RAD54L2: variants seen among roughly 807,000 people sequenced by gnomAD.
RAD54L2 encodes the protein RAD54 like 2.
Under a neutral mutation model 138.4 loss-of-function variants are expected in RAD54L2, and 27 were observed. The ratio of observed to expected loss-of-function variants is 0.20; its 90% CI spans 0.14 to 0.27. RAD54L2 has a LOEUF of 0.27. RAD54L2 is among the 10% of genes least tolerant of loss of function. The pLI is 1.00. For missense variants in RAD54L2, 1,396 were observed against 1,890.2 expected (o/e 0.74, Z 4.85); for synonymous variants, 644 against 723.2 (o/e 0.89, Z 1.76).
intron 2 of RAD54L2, among the ~76,000 whole-genome samples, chr3:51,572,186 C>T (rs1252769563): frequency 3.3e-5 from 5 of 152,080 alleles, no homozygotes; most frequent in Admixed American, 6.6e-5. Context: ...TGTTGGCTCA[C>T]GCCAATAATC....
chr3:51,590,556 G>A lies in RAD54L2; in HGVS notation c.136G>A (p.Asp46Asn). The part of the protein sequence containing the change: ...CDRDDEEDLL[D>N]DPSLEGMCGT... ...CAGGGATGATGAAGAAGACCTGCTG[G>A]ATGGTAAGTGGGCTCTATTGAGTGA... Residue 46 changes from aspartate to asparagine, a missense_variant, in exon 3 of 23, where the codon GAT becomes AAT. This residue lies in a region of RAD54L2 where 256 missense variants were observed against 344.6 expected (regional missense o/e 0.74). Coordinates refer to ENST00000684192, the MANE Select transcript of RAD54L2 (RefSeq NM_015106.4). 6.4e-7 allele frequency: 1 copy of A among 1,552,386 alleles called. No homozygotes were observed. Among genetic ancestry groups the A allele is most frequent in the Non-Finnish European group, 8.7e-7 (1 of 1,147,168 alleles).
At chr3:51,660,398 T>G (rs1232931878) in intron 22 of RAD54L2, among the ~76,000 whole-genome samples, 1 of 151,588 alleles carries the variant, frequency 6.6e-6, no homozygotes, top group African/African-American at 2.4e-5. Context: ...AAGCTCTGCC[T>G]CCTGGGTTCA....
chr3:51,658,269 A>G (rs1701660644), intron 21 of RAD54L2, among the ~76,000 whole-genome samples: 1 of 152,130 alleles, frequency 6.6e-6, no homozygotes, highest in Non-Finnish European at 1.5e-5. Context: ...GGATGGGACA[A>G]GTAGACACAA....
In RAD54L2 at chr3:51,663,235, A is replaced by C; in HGVS notation, c.4219A>C (p.Ser1407Arg). ...FAPFPSPVLP[S>R]NLSRGMSIYP... ...GCCTTTTCCTTCCCCTGTCTTGCCC[A>C]GCAACCTTTCGCGGGGCATGTCTAT... Residue 1407 changes from serine (S) to arginine (R), a missense_variant, in exon 23 of 23, where the codon AGC (serine) becomes CGC (arginine). Ser to Arg is a moderately radical substitution (Grantham distance 110, BLOSUM62 -1). Coordinates refer to ENST00000684192, the MANE Select transcript of RAD54L2 (RefSeq NM_015106.4). 6.2e-7 allele frequency: 1 copy of C among 1,613,918 alleles called. No homozygotes were observed. Among genetic ancestry groups the C allele is most frequent in the South Asian group, 1.1e-5 (1 of 91,080 alleles).
intron 9 of RAD54L2, 38 bp from the exon 10 acceptor site, chr3:51,635,555 A>G: frequency 6.4e-7 from 1 of 1,563,624 alleles, no homozygotes; most frequent in Non-Finnish European, 8.7e-7. Context: ...TTGAGATATA[A>G]TTCACATCTC....
chr3:51,636,208 T>C (rs763255790), intron 10 of RAD54L2, among the ~76,000 whole-genome samples: 1 of 152,270 alleles, frequency 6.6e-6, no homozygotes, highest in Admixed American at 6.5e-5. Context: ...TTTATCCCAG[T>C]TGTTTTTAGT....
rs544523047 is a variant in RAD54L2 at position 51,657,956 on chromosome 3, T to C, written c.3316+287T>C. Reference sequence around the variant, plus strand: ...TTTTTTTTTTTTTGAGATGGAGTCTTGCTCTGTCGCCAGGCTGGAGTGCAG... The same window carrying C: ...TTTTTTTTTTTTTGAGATGGAGTCTCGCTCTGTCGCCAGGCTGGAGTGCAG... On this transcript the variant is annotated intron_variant, in intron 21 of 22. Transcript: ENST00000684192. Among the ~76,000 whole-genome samples, 522 of 146,188 alleles carry C rather than the reference T, an allele frequency of 3.6e-3. 6 individuals carry two copies. The highest frequency in any genetic ancestry group is 0.013 in the African/African-American group (490 of 39,062).
intron 3 of RAD54L2, among the ~76,000 whole-genome samples, chr3:51,600,693 G>A (rs1006948526): frequency 2.6e-5 from 4 of 152,290 alleles, no homozygotes; most frequent in African/African-American, 9.6e-5. Context: ...GAGGCTGGGT[G>A]CGGTGGCTCA....
intron 7 of RAD54L2, among the ~76,000 whole-genome samples, chr3:51,632,248 C>G (rs1040730654): frequency 5.3e-5 from 8 of 152,154 alleles, no homozygotes; most frequent in African/African-American, 1.9e-4. Context: ...GGGTTGATTA[C>G]GTATTTTGGC....
chr3:51,609,053 G>T (rs750933216), intron 3 of RAD54L2, among the ~76,000 whole-genome samples: 3 of 152,082 alleles, frequency 2.0e-5, no homozygotes, highest in African/African-American at 7.2e-5. Flanking sequence ...ACCACACTCG[G>T]CTAATATTTG....
chr3:51,621,774 A>G (rs1700575670), intron 3 of RAD54L2, among the ~76,000 whole-genome samples: 2 of 152,256 alleles, frequency 1.3e-5, no homozygotes, highest in Non-Finnish European at 2.9e-5. Flanking sequence ...GGTCATTATC[A>G]GAATCAGGCC....
Position 51,645,808 on chromosome 3 carries a change from T to G in RAD54L2, c.2829+45T>G. The G allele has an allele frequency of 1.3e-6, 2 of 1,543,726 alleles. No individual in the cohort carries two copies. Among genetic ancestry groups the G allele is most frequent in the Non-Finnish European group, 1.7e-6 (2 of 1,143,882 alleles). On this transcript the variant is annotated intron_variant, in intron 18 of 22. Coordinates refer to ENST00000684192, the MANE Select transcript of RAD54L2 (RefSeq NM_015106.4). This position sits in a 1 kb window ranked among gnomAD's most constrained non-coding sequence, Gnocchi z 6.1. ...GCAATCCCCAGAGTGGCAGTCTCTC[T>G]GTCAAAGGAGGCTTGTCTTGTAAGC...
At chr3:51,621,530 G>A (rs1006091801) in intron 3 of RAD54L2, among the ~76,000 whole-genome samples, 3 of 152,090 alleles carry the variant, frequency 2.0e-5, no homozygotes, top group Non-Finnish European at 2.9e-5. Context: ...TTCTCCTCCC[G>A]GGAACAGCCC....
rs375101156 is a variant in RAD54L2 at position 51,639,653 on chromosome 3, A to T, written c.2095A>T (p.Ile699Phe). 6.2e-7 allele frequency: 1 copy of T among 1,613,656 alleles called. No homozygotes were observed. Among genetic ancestry groups the T allele is most frequent in the Non-Finnish European group, 8.5e-7 (1 of 1,179,818 alleles). Residue 699 changes from isoleucine (I) to phenylalanine (F), a missense_variant, in exon 13 of 23, where the codon ATT becomes TTT. Around this residue, in one of 7 missense-constraint regions of RAD54L2, gnomAD observed 211 missense variants for 273.8 expected, o/e 0.77. Coordinates refer to ENST00000684192, the MANE Select transcript of RAD54L2 (RefSeq NM_015106.4). ...FNPFQERGNNIVTYEWAKDLL... is the reference protein window; with the variant it reads ...FNPFQERGNNFVTYEWAKDLL... ...CCCTTTCCAGGAGCGAGGCAACAAC[A>T]TTGTCACATATGAATGGGTGAGTCA...
chr3:51,620,832 C>G (rs1700555420), intron 3 of RAD54L2, among the ~76,000 whole-genome samples: 1 of 152,124 alleles, frequency 6.6e-6, no homozygotes. Context: ...TATGCAGATA[C>G]TAATTTAATT....
chr3:51,606,554 C>T (rs1418933364), intron 3 of RAD54L2, among the ~76,000 whole-genome samples: 1 of 152,092 alleles, frequency 6.6e-6, no homozygotes, highest in Non-Finnish European at 1.5e-5. Flanking sequence ...TTTAGCAACT[C>T]CTCTTTTCAT....
chr3:51,561,534 C>T (rs568992620), intron 2 of RAD54L2, among the ~76,000 whole-genome samples: 6 of 152,090 alleles, frequency 3.9e-5, no homozygotes, highest in Admixed American at 1.3e-4. Flanking sequence ...CGTGAGCCAC[C>T]ACGCCCGGCC....
At chr3:51,633,421 TC>T (rs1239431473) in intron 7 of RAD54L2, among the ~76,000 whole-genome samples, 155 bp from the exon 8 acceptor site, 2 of 152,114 alleles carry the variant, frequency 1.3e-5, no homozygotes, top group Non-Finnish European at 2.9e-5. Context: ...AGCAAATAGA[TC>T]AGTCAAGGTA....
At chr3:51,539,719 A>G (rs1698504379) in intron 1 of RAD54L2, among the ~76,000 whole-genome samples, 1 of 151,932 alleles carries the variant, frequency 6.6e-6, no homozygotes, top group African/African-American at 2.4e-5. Flanking sequence ...TGAACAAGGA[A>G]ACTTTGCAGA....
Sources: allele counts gnomAD v4.1 joint callset (sites outside exome capture counted in the v4.1 genomes callset), GRCh38; gene constraint gnomAD v4.1.1; regional missense constraint gnomAD v4.1.1; non-coding constraint Gnocchi (gnomAD v3.1); transcripts MANE v1.5; gene names NCBI Gene and HGNC (gene_info 2026-07-23, HGNC 2026-07-21).